OSBPL1A: variants seen among roughly 807,000 people sequenced by gnomAD.
The protein encoded by OSBPL1A is oxysterol binding protein like 1A, also known as oxysterol-binding protein-related protein 1.
Under a neutral mutation model 137.1 loss-of-function variants are expected in OSBPL1A, and 80 were observed. That is an observed-to-expected ratio of 0.58 (90% CI 0.49 to 0.70). The LOEUF (loss-of-function observed/expected upper bound fraction) is 0.70. OSBPL1A is among the 30% of genes least tolerant of loss of function. The pLI is 0.00. For synonymous variants in OSBPL1A, 365 were observed against 389.7 expected (o/e 0.94, Z 0.75); for missense variants, 970 against 1,129.4 (o/e 0.86, Z 2.02).
rs138000698 is a variant in OSBPL1A, at chr18:24,359,228, G to C, written c.282+7664C>G. Among the ~76,000 whole-genome samples, 6 of 151,816 alleles carry C rather than the reference G, an allele frequency of 4.0e-5. No homozygotes were observed. In the East Asian group the frequency reaches 1.2e-3, roughly 30 times the overall value. On this transcript the variant is annotated intron_variant, in intron 4 of 27. Coordinates refer to ENST00000319481, the MANE Select transcript of OSBPL1A (RefSeq NM_080597.4). ...GCGAGACCCTGTCTATAGAGAAAGA[G>C]ACAGAGACAGAGAGAGAAAGAGAGA...
chr18:24,236,562 G>A (rs192970450), intron 16 of OSBPL1A, among the ~76,000 whole-genome samples: 23 of 152,280 alleles, frequency 1.5e-4, no homozygotes, highest in African/African-American at 4.8e-4. Flanking sequence ...ATTTTTAGTA[G>A]GAAATAGGAG....
At chr18:24,340,291 A>C (rs1376107877) in intron 5 of OSBPL1A, among the ~76,000 whole-genome samples, 9 of 152,342 alleles carry the variant, frequency 5.9e-5, no homozygotes, top group Admixed American at 2.0e-4. Context: ...TGTTTTCTTA[A>C]ATGCAAATTA....
At chr18:24,165,884 T>G (rs1369775265) in intron 26 of OSBPL1A, among the ~76,000 whole-genome samples, 1 of 151,952 alleles carries the variant, frequency 6.6e-6, no homozygotes, top group Admixed American at 6.6e-5. Flanking sequence ...TCACCTGAGG[T>G]CAGAAGGTCC....
chr18:24,233,734 C>T (rs1269464023), intron 16 of OSBPL1A, among the ~76,000 whole-genome samples: 2 of 152,066 alleles, frequency 1.3e-5, no homozygotes, highest in Non-Finnish European at 2.9e-5. Context: ...CTGCAACCTC[C>T]GCCTCCCAGG....
At chr18:24,316,661 C>T (rs1018966794) in intron 11 of OSBPL1A, among the ~76,000 whole-genome samples, 2 of 152,162 alleles carry the variant, frequency 1.3e-5, no homozygotes, top group Admixed American at 6.5e-5. Context: ...CAACATTCCA[C>T]AAGCACAGTA....
intron 17 of OSBPL1A, among the ~76,000 whole-genome samples, chr18:24,198,848 G>T (rs547160385): frequency 1.0e-3 from 140 of 140,234 alleles, no homozygotes; most frequent in Non-Finnish European, 1.8e-3. Flanking sequence ...TGTTGTTTTG[G>T]TGTTTTTTTT....
At chr18:24,180,517 A>G (rs1052289676) in intron 19 of OSBPL1A, among the ~76,000 whole-genome samples, 1 of 151,992 alleles carries the variant, frequency 6.6e-6, no homozygotes, top group East Asian at 1.9e-4. Flanking sequence ...ACACCCCGAG[A>G]AAGTCTGAAA....
intron 16 of OSBPL1A, among the ~76,000 whole-genome samples, chr18:24,226,766 C>CT (rs1372466708): frequency 1.3e-5 from 2 of 152,042 alleles, no homozygotes; most frequent in Non-Finnish European, 1.5e-5. Flanking sequence ...TATAAATGAT[C>CT]TAAGTTACCT....
At chr18:24,277,725 G>A (rs2089875867) in intron 15 of OSBPL1A, among the ~76,000 whole-genome samples, 1 of 152,140 alleles carries the variant, frequency 6.6e-6, no homozygotes, top group Non-Finnish European at 1.5e-5. Flanking sequence ...CCTCGATTAC[G>A]CTGTTAAATT....
chr18:24,238,824 C>T (rs113712105), intron 16 of OSBPL1A, among the ~76,000 whole-genome samples: 1 of 152,190 alleles, frequency 6.6e-6, no homozygotes, highest in Admixed American at 6.5e-5. Flanking sequence ...ACTTGCGCTT[C>T]GTTACCTGTA....
chr18:24,288,418 C>G (rs773023184), intron 14 of OSBPL1A, among the ~76,000 whole-genome samples: 6 of 152,164 alleles, frequency 3.9e-5, no homozygotes, highest in Non-Finnish European at 8.8e-5. Flanking sequence ...ATTGGTGTTT[C>G]AGAAGCATCT....
chr18:24,321,294 T>G (rs1207459619), intron 7 of OSBPL1A, among the ~76,000 whole-genome samples: 1 of 152,134 alleles, frequency 6.6e-6, no homozygotes, highest in Non-Finnish European at 1.5e-5. Context: ...GTCCTTATTT[T>G]TTACTAATAT....
At chr18:24,274,761 T>G (rs1172775468) in intron 15 of OSBPL1A, among the ~76,000 whole-genome samples, 2 of 151,880 alleles carry the variant, frequency 1.3e-5, no homozygotes, top group African/African-American at 4.8e-5. Flanking sequence ...ACAAAAAAAT[T>G]AGCTGGGTGT....
At chr18:24,254,081 CA>C (rs1433483475) in intron 15 of OSBPL1A, among the ~76,000 whole-genome samples, 21 of 152,172 alleles carry the variant, frequency 1.4e-4, no homozygotes, top group Admixed American at 1.4e-3. Context: ...ATGTTAGAAG[CA>C]AGATGGAGTT....
At chr18:24,284,861 T>C (rs2090037960) in intron 14 of OSBPL1A, among the ~76,000 whole-genome samples, 1 of 152,238 alleles carries the variant, frequency 6.6e-6, no homozygotes. Flanking sequence ...CTATTTTCTT[T>C]CAAGGCCTAG....
At chr18:24,367,759 A>C (rs2091723382) in intron 3 of OSBPL1A, 1 of 152,178 alleles carries the variant, frequency 6.6e-6, no homozygotes, top group African/African-American at 2.4e-5. Flanking sequence ...TTATCAATTT[A>C]ATAAGTTTTG....
intron 17 of OSBPL1A, among the ~76,000 whole-genome samples, chr18:24,224,157 T>G (rs137989981): frequency 6.6e-6 from 1 of 152,320 alleles, no homozygotes; most frequent in East Asian, 1.9e-4. Flanking sequence ...AGACATTTTT[T>G]GTTAACAAAG....
intron 27 of OSBPL1A, among the ~76,000 whole-genome samples, chr18:24,164,420 G>GGTTTTTTTT (rs199563115): frequency 1.0e-5 from 1 of 95,970 alleles, no homozygotes; most frequent in Non-Finnish European, 1.9e-5. Flanking sequence ...GAGATTTTTG[G>GGTTTTTTTT]TTTTTTTTTT....
intron 18 of OSBPL1A, among the ~76,000 whole-genome samples, chr18:24,186,988 CT>C (rs2086765552): frequency 6.6e-6 from 1 of 151,572 alleles, no homozygotes; most frequent in African/African-American, 2.4e-5. Flanking sequence ...ACCGCAGCAG[CT>C]GGTCCACCTT....
Sources: gnomAD v4.1 joint callset for allele counts (sites outside exome capture counted in the v4.1 genomes callset) on GRCh38, gnomAD v4.1.1 for gene constraint, MANE v1.5 for transcripts, NCBI Gene and HGNC (gene_info 2026-07-23, HGNC 2026-07-21) for gene names.